Variants in AKAP13 observed in about 807,000 individuals in gnomAD.
AKAP13 encodes A-kinase anchor protein 13.
In AKAP13, 80 loss-of-function variants were observed where a neutral mutation model predicts 264.5. That is an observed-to-expected ratio of 0.30 (90% CI 0.25 to 0.36). The LOEUF (loss-of-function observed/expected upper bound fraction) is 0.36. AKAP13 is among the 10% of genes least tolerant of loss of function. AKAP13 has a pLI of 1.00. For missense variants in AKAP13, 3,712 were observed against 3,435.2 expected, an observed-to-expected ratio of 1.08 and a Z score of -2.01; for synonymous variants, 1,380 against 1,250.2, an observed-to-expected ratio of 1.10 and a Z score of -2.19.
chr15:85,384,450 C>G (rs2070450058), intron 1 of AKAP13, among the ~76,000 whole-genome samples: 1 of 152,204 alleles, frequency 6.6e-6, no homozygotes, highest in African/African-American at 2.4e-5. Flanking sequence ...GGCGCAGTGG[C>G]TCACGCCTGT....
chr15:85,443,772 A>AGTGTGT (rs34514718), intron 1 of AKAP13, among the ~76,000 whole-genome samples: 8 of 145,968 alleles, frequency 5.5e-5, no homozygotes, highest in South Asian at 2.2e-4. Flanking sequence ...AAAAAAAAAA[A>AGTGTGT]GTGTGTGTGT....
intron 1 of AKAP13, among the ~76,000 whole-genome samples, chr15:85,481,476 T>C (rs1429198911): frequency 6.6e-6 from 1 of 152,200 alleles, no homozygotes; most frequent in Admixed American, 6.5e-5. Flanking sequence ...TAAAATTGAG[T>C]GACTCTTATT....
chr15:85,597,731 C>T (rs1285797892), intron 8 of AKAP13, among the ~76,000 whole-genome samples: 1 of 152,164 alleles, frequency 6.6e-6, no homozygotes, highest in East Asian at 1.9e-4. Flanking sequence ...TTCCCACTTC[C>T]TGTTGCCTTC....
intron 1 of AKAP13, among the ~76,000 whole-genome samples, chr15:85,451,043 T>C (rs537014843): frequency 2.7e-4 from 41 of 152,336 alleles, no homozygotes; most frequent in Non-Finnish European, 5.4e-4. Context: ...GCTCCTCTGT[T>C]GGGTGCATAT....
chr15:85,663,092 C>T (rs1243203202), intron 12 of AKAP13, among the ~76,000 whole-genome samples: 2 of 152,094 alleles, frequency 1.3e-5, no homozygotes, highest in Non-Finnish European at 2.9e-5. Flanking sequence ...GGCGGATCAC[C>T]TGAGGTCAGG....
At chr15:85,731,810 G>A (rs546419766) in intron 30 of AKAP13, among the ~76,000 whole-genome samples, 3 of 152,024 alleles carry the variant, frequency 2.0e-5, no homozygotes, top group African/African-American at 4.8e-5. Context: ...GGCCAGGCAC[G>A]GTGGCTCATT....
At chr15:85,396,893 A>T (rs1321210783) in intron 1 of AKAP13, among the ~76,000 whole-genome samples, 23 of 137,794 alleles carry the variant, frequency 1.7e-4, no homozygotes, top group Admixed American at 1.5e-3. Flanking sequence ...GTCCTCTCGT[A>T]TGTTAGACTT....
At chr15:85,552,973 A>G (rs1229303609) in intron 5 of AKAP13, among the ~76,000 whole-genome samples, 4 of 152,180 alleles carry the variant, frequency 2.6e-5, no homozygotes, top group Non-Finnish European at 5.9e-5. Context: ...CACATGGCCT[A>G]AATGGAATAT....
chr15:85,720,397 T>G (rs1203641842), intron 23 of AKAP13, among the ~76,000 whole-genome samples: 1 of 152,194 alleles, frequency 6.6e-6, no homozygotes, highest in East Asian at 1.9e-4. Context: ...GTAAAATGCT[T>G]AATAAAATAT....
intron 13 of AKAP13, 62 bp downstream of exon 13, chr15:85,664,817 C>T: frequency 6.7e-7 from 1 of 1,497,656 alleles, no homozygotes; most frequent in Non-Finnish European, 9.1e-7. Context: ...ACATAGAAGG[C>T]AAGGCTTCTG....
At chr15:85,723,444 G>A in intron 26 of AKAP13, 124 bp downstream of exon 26, 1 of 1,332,306 alleles carries the variant, frequency 7.5e-7, no homozygotes, top group Non-Finnish European at 1.0e-6. Context: ...ACACTACCCA[G>A]GAGCAACAAG....
intron 1 of AKAP13, among the ~76,000 whole-genome samples, chr15:85,467,075 TACACACACACAC>T (rs3054059): frequency 6.7e-6 from 1 of 149,388 alleles, no homozygotes; most frequent in African/African-American, 2.5e-5. Context: ...TTGTATTAAC[TACACACACACAC>T]ACACACACAC....
chr15:85,553,002 T>A (rs1408913350), intron 5 of AKAP13, among the ~76,000 whole-genome samples: 1 of 152,186 alleles, frequency 6.6e-6, no homozygotes, highest in Non-Finnish European at 1.5e-5. Flanking sequence ...TAAAAAATTG[T>A]TTTATTTAAT....
In AKAP13 at chr15:85,733,873, C is replaced by CTTTT. The variant is rs72092500; in HGVS notation, c.7283-1101_7283-1098dup. Among the ~76,000 whole-genome samples, 510 of 82,352 alleles carry CTTTT rather than the reference C, an allele frequency of 6.2e-3. 3 individuals carry two copies. Among genetic ancestry groups the CTTTT allele is most frequent in the African/African-American group, 8.3e-3 (163 of 19,682 alleles). 54.0% of individuals were successfully genotyped at this position (82,352 alleles called of 152,430 possible). A position where few individuals can be genotyped will look rare whatever the true frequency, so the allele number is the denominator to read the frequency against. On this transcript the variant is annotated intron_variant, in intron 30 of 36. Transcript: ENST00000394518. ...TTTGTCATTTTCTTTTCTTTCTTTTCTTTTTTTTTTTTTTTTTTTTTGAGA... is the reference window on the plus strand; with the variant it reads ...TTTGTCATTTTCTTTTCTTTCTTTTCTTTTTTTTTTTTTTTTTTTTTTTTTGAGA...
intron 5 of AKAP13, among the ~76,000 whole-genome samples, chr15:85,552,697 A>G (rs2078001043): frequency 7.2e-6 from 1 of 139,276 alleles, no homozygotes; most frequent in Non-Finnish European, 1.5e-5. Flanking sequence ...GTGCGATCTC[A>G]GCTCACTGCA....
chr15:85,470,548 G>T (rs1308309341), intron 1 of AKAP13, among the ~76,000 whole-genome samples: 1 of 152,172 alleles, frequency 6.6e-6, no homozygotes, highest in Admixed American at 6.5e-5. Flanking sequence ...GAGAGATTAC[G>T]TGGTTTGTAC....
chr15:85,710,698 T>C (rs1472683194), intron 19 of AKAP13, 53 bp downstream of exon 19: 1 of 1,571,454 alleles, frequency 6.4e-7, no homozygotes, highest in Non-Finnish European at 8.7e-7. Context: ...TGGTTCTGAA[T>C]GTAAAAATGC....
chr15:85,662,910 A>G (rs892328708), intron 12 of AKAP13, among the ~76,000 whole-genome samples: 1 of 152,210 alleles, frequency 6.6e-6, no homozygotes, highest in Non-Finnish European at 1.5e-5. Flanking sequence ...TAATTACTAA[A>G]ACATTTTCAG....
At chr15:85,534,083 A>G in intron 4 of AKAP13, 1 of 557,242 alleles carries the variant, frequency 1.8e-6, no homozygotes, top group Non-Finnish European at 3.0e-6. Flanking sequence ...TTGCAGCGAA[A>G]TGACCCTAGG....
Sources: allele counts gnomAD v4.1 joint callset (sites outside exome capture counted in the v4.1 genomes callset), GRCh38; gene constraint gnomAD v4.1.1; transcripts MANE v1.5; gene names NCBI Gene and HGNC (gene_info 2026-07-23, HGNC 2026-07-21).